SIRT1: variants seen among roughly 807,000 people sequenced by gnomAD.
The protein encoded by SIRT1 is sirtuin 1.
Under a neutral mutation model 67.9 loss-of-function variants are expected in SIRT1, and 24 were observed. That is an observed-to-expected ratio of 0.35 (90% CI 0.26 to 0.50). The LOEUF (loss-of-function observed/expected upper bound fraction) is 0.50. Among genes scored for constraint, SIRT1 ranks in the 20% least tolerant of loss-of-function variants. The pLI is 0.98. For missense variants in SIRT1, 873 were observed against 937.2 expected, an observed-to-expected ratio of 0.93 and a Z score of 0.89; for synonymous variants, 378 against 350.7, an observed-to-expected ratio of 1.08 and a Z score of -0.87.
At chr10:67,905,699 T>C (rs1042049344) in intron 4 of SIRT1, among the ~76,000 whole-genome samples, 1 of 152,236 alleles carries the variant, frequency 6.6e-6, no homozygotes, top group African/African-American at 2.4e-5. Flanking sequence ...CTTGATTGAT[T>C]AAATGGACAT....
chr10:67,888,564 C>T (rs981121268), intron 2 of SIRT1, among the ~76,000 whole-genome samples: 5 of 152,000 alleles, frequency 3.3e-5, no homozygotes, highest in African/African-American at 7.2e-5. Context: ...TCGTAGAACC[C>T]TTTTGTAAAT....
At chr10:67,903,608 C>T (rs1243289300) in intron 4 of SIRT1, among the ~76,000 whole-genome samples, 3 of 151,998 alleles carry the variant, frequency 2.0e-5, no homozygotes, top group East Asian at 3.9e-4. Flanking sequence ...AGGATGGTCT[C>T]GATCTTCTGA....
intron 4 of SIRT1, 93 bp from the exon 5 acceptor site, chr10:67,906,693 TTATG>T (rs1281368475): frequency 1.5e-5 from 18 of 1,200,744 alleles, no homozygotes; most frequent in Admixed American, 4.9e-5. Flanking sequence ...ATTTTTAAAA[TTATG>T]TGTGTGGGAT....
Position 67,885,014 on chromosome 10 carries a change from C to T in SIRT1, c.293C>T (p.Ala98Val). 7.6e-7 allele frequency: 1 copy of T among 1,319,578 alleles called. No homozygotes were observed. Among genetic ancestry groups the T allele is most frequent in the South Asian group, 2.2e-5 (1 of 46,256 alleles). The allele number at this position is 1,319,578 out of a possible 1,614,324, so 81.7% of individuals were successfully genotyped here. A position where few individuals can be genotyped will look rare whatever the true frequency, so the allele number is the denominator to read the frequency against. Reference sequence around the variant, plus strand: ...CAAGAGGCCCAGGCGACTGCGGCGGCTGGGGAAGGAGACAATGGGCCGGGC... The same window carrying T: ...CAAGAGGCCCAGGCGACTGCGGCGGTTGGGGAAGGAGACAATGGGCCGGGC... ...GEQEAQATAA[A>V]GEGDNGPGLQ... The change falls in exon 1 of 9, where the codon GCT (alanine) becomes GTT (valine). Residue 98 changes from alanine to valine, a missense_variant. By Grantham distance (64) the Ala-to-Val change is moderately conservative (BLOSUM62 0). This residue lies in a region of SIRT1 where 327 missense variants were observed against 283.9 expected (regional missense o/e 1.15). Coordinates refer to ENST00000212015, the MANE Select transcript of SIRT1 (RefSeq NM_012238.5).
At chr10:67,888,073 C>T (rs941061152) in intron 2 of SIRT1, among the ~76,000 whole-genome samples, 2 of 152,172 alleles carry the variant, frequency 1.3e-5, no homozygotes, top group African/African-American at 4.8e-5. Context: ...GACTTGTATA[C>T]TCCTGTCTTT....
chr10:67,908,415 C>T (rs1354227634), intron 6 of SIRT1, among the ~76,000 whole-genome samples: 1 of 152,150 alleles, frequency 6.6e-6, no homozygotes, highest in African/African-American at 2.4e-5. Context: ...TTTCTCCTTC[C>T]TCTCCCTTTT....
At chr10:67,903,415 T>TAA (rs1490854787) in intron 4 of SIRT1, among the ~76,000 whole-genome samples, 2 of 151,846 alleles carry the variant, frequency 1.3e-5, no homozygotes, top group Admixed American at 6.6e-5. Context: ...GATGGAGTCT[T>TAA]TCTTTGTCAC....
chr10:67,904,608 G>T (rs1002966171), intron 4 of SIRT1, among the ~76,000 whole-genome samples: 37 of 152,098 alleles, frequency 2.4e-4, no homozygotes, highest in African/African-American at 8.4e-4. Context: ...CACTTTGTGA[G>T]ACCAAGGTGG....
chr10:67,886,079 A>C (rs530801383), intron 1 of SIRT1, among the ~76,000 whole-genome samples: 1 of 149,228 alleles, frequency 6.7e-6, no homozygotes, highest in Non-Finnish European at 1.5e-5. Flanking sequence ...AGTAGCTGGG[A>C]CTACAGACAC....
Position 67,916,841 on chromosome 10 carries a change from G to T in SIRT1, c.*248G>T. Reference sequence around the variant, plus strand: ...TACTAAGTATCTTCAATCAGCTGTTGGTCAAGACTAACTTTCTTTTAAAGG... The same window carrying T: ...TACTAAGTATCTTCAATCAGCTGTTTGTCAAGACTAACTTTCTTTTAAAGG... On this transcript the variant is annotated 3_prime_UTR_variant, in exon 9 of 9. Transcript: ENST00000212015. 4.8e-6 allele frequency: 1 copy of T among 208,762 alleles called. No homozygotes were observed. The highest frequency in any genetic ancestry group is 2.3e-5 in the African/African-American group (1 of 43,556). 12.9% of individuals were successfully genotyped at this position (208,762 alleles called of 1,614,324 possible). A position where few individuals can be genotyped will look rare whatever the true frequency, so the allele number is the denominator to read the frequency against.
intron 4 of SIRT1, among the ~76,000 whole-genome samples, chr10:67,892,575 A>G (rs1842590274): frequency 6.6e-6 from 1 of 151,556 alleles, no homozygotes; most frequent in South Asian, 2.1e-4. Flanking sequence ...TTTCCAAAAT[A>G]TATGTATGTT....
intron 2 of SIRT1, among the ~76,000 whole-genome samples, chr10:67,887,767 G>A (rs1052183160): frequency 6.6e-6 from 1 of 152,110 alleles, no homozygotes; most frequent in African/African-American, 2.4e-5. Flanking sequence ...GTAGAGACGG[G>A]GTTTCTCCAT....
chr10:67,913,742 CTG>C (rs2131891537), intron 8 of SIRT1, among the ~76,000 whole-genome samples: 1 of 152,318 alleles, frequency 6.6e-6, no homozygotes, highest in South Asian at 2.1e-4. Flanking sequence ...AAGAAAACCA[CTG>C]TAACTTAGCT....
At position 67,917,987 on chromosome 10, in the gene SIRT1, T is replaced by C. The variant is rs1309867932; in HGVS notation, c.*1394T>C. The C allele has an allele frequency of 1.3e-5, 2 of 152,636 alleles. No homozygotes were observed. Among genetic ancestry groups the C allele is most frequent in the Admixed American group, 6.5e-5 (1 of 15,280 alleles). The allele number at this position is 152,636 out of a possible 1,614,324, so 9.5% of individuals were successfully genotyped here. On this transcript the variant is annotated 3_prime_UTR_variant, in exon 9 of 9. Coordinates refer to ENST00000212015, the MANE Select transcript of SIRT1 (RefSeq NM_012238.5). Reference sequence around the variant, plus strand: ...ATTACAATAAAAAGGGTTTGAAATATAGCTGTTCTTTATGCATAAAACACC... The same window carrying C: ...ATTACAATAAAAAGGGTTTGAAATACAGCTGTTCTTTATGCATAAAACACC...
chr10:67,914,247 T>C (rs1842945639), intron 8 of SIRT1, among the ~76,000 whole-genome samples: 1 of 152,018 alleles, frequency 6.6e-6, no homozygotes, highest in Non-Finnish European at 1.5e-5. Context: ...GATTCTTGTA[T>C]TTTTAGTAGA....
chr10:67,902,344 C>T (rs923784273), intron 4 of SIRT1, among the ~76,000 whole-genome samples: 5 of 152,276 alleles, frequency 3.3e-5, no homozygotes, highest in Admixed American at 6.5e-5. Flanking sequence ...TTCTTCCCAG[C>T]GTCTTCCCAA....
At chr10:67,906,071 TAAA>T in intron 4 of SIRT1, 2 of 1,120,660 alleles carry the variant, frequency 1.8e-6, no homozygotes, top group Non-Finnish European at 2.3e-6. Context: ...TGGAATTTAA[TAAA>T]AACACTGTCA....
intron 4 of SIRT1, among the ~76,000 whole-genome samples, chr10:67,902,312 A>T (rs1842757034): frequency 6.6e-6 from 1 of 152,210 alleles, no homozygotes; most frequent in African/African-American, 2.4e-5. Flanking sequence ...AATTATAGTC[A>T]GCAATAGATC....
intron 4 of SIRT1, among the ~76,000 whole-genome samples, 184 bp from the exon 5 acceptor site, chr10:67,906,606 T>C (rs1470212488): frequency 2.6e-5 from 4 of 152,244 alleles, no homozygotes; most frequent in African/African-American, 7.2e-5. Flanking sequence ...TGCTGAGTTT[T>C]ATGCATATGA....
Sources: allele counts gnomAD v4.1 joint callset (sites outside exome capture counted in the v4.1 genomes callset), GRCh38; gene constraint gnomAD v4.1.1; regional missense constraint gnomAD v4.1.1; transcripts MANE v1.5; gene names NCBI Gene and HGNC (gene_info 2026-07-23, HGNC 2026-07-21).